KIF27: variants seen among roughly 807,000 people sequenced by gnomAD.
KIF27 encodes the protein kinesin-like protein KIF27.
A neutral mutation model predicts 141.8 loss-of-function variants in KIF27; 84 were observed. The observed-to-expected ratio is 0.59, with a 90% CI of 0.50 to 0.71. The LOEUF (loss-of-function observed/expected upper bound fraction) is 0.71, where lower values mean the gene tolerates loss of function less well. Ranked by LOEUF, KIF27 falls within the 30% of genes least tolerant of loss-of-function variation. KIF27 has a pLI of 0.00. For missense variants in KIF27, 1,306 were observed against 1,628.4 expected (o/e 0.80, Z 3.41); for synonymous variants, 471 against 569.5 (o/e 0.83, Z 2.46).
intron 16 of KIF27, among the ~76,000 whole-genome samples, chr9:83,842,664 C>G (rs1946725169): frequency 6.6e-6 from 1 of 152,090 alleles, no homozygotes; most frequent in Non-Finnish European, 1.5e-5. Context: ...GATGGGGTTT[C>G]ATCATGTTAG....
At chr9:83,918,049 T>C (rs1955868413) in intron 1 of KIF27, among the ~76,000 whole-genome samples, 1 of 152,050 alleles carries the variant, frequency 6.6e-6, no homozygotes, top group South Asian at 2.1e-4. Flanking sequence ...AGATGAAGTA[T>C]AGATTAAAAA....
intron 13 of KIF27, among the ~76,000 whole-genome samples, chr9:83,862,742 T>C (rs1035182851): frequency 1.3e-5 from 2 of 152,196 alleles, no homozygotes; most frequent in Non-Finnish European, 1.5e-5. Context: ...GGGGATGGCA[T>C]TGAATCTATA....
Position 83,859,490 on chromosome 9 carries a change from T to C in KIF27, c.2935-119A>G, listed in dbSNP as rs369477575. ...GAATATATTTTTAGTTTTTATATTA[T>C]TGTTTTCTCCCATGGATTTTTTTGA... On this transcript the variant is annotated intron_variant, in intron 13 of 17. Transcript: ENST00000297814. The C allele has an allele frequency of 5.3e-4, 374 of 702,820 alleles. 3 individuals carry two copies. In the East Asian group the frequency reaches 6.6e-3, roughly 12 times the overall value. 43.5% of individuals were successfully genotyped at this position (702,820 alleles called of 1,614,324 possible).
At chr9:83,848,460 ATATC>A (rs941666138) in intron 16 of KIF27, among the ~76,000 whole-genome samples, 21 of 142,688 alleles carry the variant, frequency 1.5e-4, no homozygotes, top group South Asian at 1.1e-3. Context: ...GTATATATCT[ATATC>A]TATATGTATA....
At chr9:83,865,013 T>G (rs1397265560) in intron 13 of KIF27, among the ~76,000 whole-genome samples, 2 of 152,154 alleles carry the variant, frequency 1.3e-5, no homozygotes, top group Non-Finnish European at 2.9e-5. Flanking sequence ...CCTTTTTTTG[T>G]TTTCCATTTG....
intron 2 of KIF27, 44 bp from the exon 3 acceptor site, chr9:83,908,696 A>T: frequency 8.0e-7 from 1 of 1,244,762 alleles, no homozygotes; most frequent in Non-Finnish European, 1.1e-6. Context: ...CTTAAAACAA[A>T]AGCAAAGCTA....
At chr9:83,880,609 T>C (rs1951598464) in intron 10 of KIF27, 115 bp from the exon 11 acceptor site, 1 of 885,760 alleles carries the variant, frequency 1.1e-6, no homozygotes, top group Non-Finnish European at 1.7e-6. Context: ...TTTTCATTTA[T>C]TTTTGACAGG....
chr9:83,880,020 T>A (rs1444204785), intron 11 of KIF27: 3 of 507,996 alleles, frequency 5.9e-6, no homozygotes, highest in Non-Finnish European at 1.0e-5. Flanking sequence ...TATAAATGTA[T>A]GTTTTTGACA....
At chr9:83,882,117 C>G (rs1951721548) in intron 10 of KIF27, among the ~76,000 whole-genome samples, 1 of 152,076 alleles carries the variant, frequency 6.6e-6, no homozygotes, top group Non-Finnish European at 1.5e-5. Context: ...AATCCCAGCA[C>G]TTTCTGAGGG....
chr9:83,840,883 G>T (rs539679537), intron 17 of KIF27, among the ~76,000 whole-genome samples: 1 of 152,224 alleles, frequency 6.6e-6, no homozygotes, highest in South Asian at 2.1e-4. Flanking sequence ...TGAACCAGCA[G>T]TCAGAAGATG....
intron 9 of KIF27, among the ~76,000 whole-genome samples, chr9:83,885,443 A>T (rs542269266): frequency 6.6e-6 from 1 of 151,518 alleles, no homozygotes; most frequent in South Asian, 2.1e-4. Flanking sequence ...AATACTCATC[A>T]TTTTTTTATA....
In KIF27 at chr9:83,903,090, G is replaced by T; in HGVS notation, c.1428C>A (p.Leu476=). ...ATTTCTTAAGCTCTCTCTTCAGCTGGAGAACTGTAACATGCTGTGGTCCTT... is the reference window on the plus strand; with the variant it reads ...ATTTCTTAAGCTCTCTCTTCAGCTGTAGAACTGTAACATGCTGTGGTCCTT... ...LEEGPQHVTV[L]QLKRELKKCQ... Residue 476 remains leucine (L), a synonymous_variant, in exon 4 of 18, where the codon CTC becomes CTA. Coordinates refer to ENST00000297814, the MANE Select transcript of KIF27 (RefSeq NM_017576.4). 6.2e-7 allele frequency: 1 copy of T among 1,613,556 alleles called. No individual in the cohort carries two copies. The highest frequency in any genetic ancestry group is 8.5e-7 in the Non-Finnish European group (1 of 1,179,586).
In KIF27 at chr9:83,908,644, C is replaced by A; in HGVS notation, c.307G>T (p.Val103Leu). Residue 103 changes from valine to leucine, a missense_variant, in exon 3 of 18, where the codon GTG becomes TTG. By Grantham distance (32) the Val-to-Leu change is conservative. Coordinates refer to ENST00000297814, the MANE Select transcript of KIF27 (RefSeq NM_017576.4). ...GGAATGATACCCTTTTGGCCCTCCA[C>A]AACTGAAGCTGAAAATTTAGAAAAA... ...TIGGGHIASV[V>L]EGQKGIIPRA... 6.3e-7 allele frequency: 1 copy of A among 1,579,286 alleles called. No homozygotes were observed. The highest frequency in any genetic ancestry group is 1.4e-5 in the African/African-American group (1 of 73,696).
chr9:83,910,545 A>G (rs1955041227), intron 2 of KIF27, among the ~76,000 whole-genome samples: 1 of 152,202 alleles, frequency 6.6e-6, no homozygotes, highest in Admixed American at 6.5e-5. Context: ...GGAGCTTGAG[A>G]GTAGAAAGGG....
At chr9:83,894,360 A>G (rs1952966830) in intron 5 of KIF27, among the ~76,000 whole-genome samples, 1 of 152,268 alleles carries the variant, frequency 6.6e-6, no homozygotes, top group African/African-American at 2.4e-5. Flanking sequence ...TCAATTGTGC[A>G]GAAGAGTTAA....
At chr9:83,908,343 T>C in intron 3 of KIF27, 109 bp downstream of exon 3, 1 of 561,212 alleles carries the variant, frequency 1.8e-6, no homozygotes, top group Non-Finnish European at 3.1e-6. Context: ...TTCATTTTGC[T>C]TCTGCATCTG....
chr9:83,916,280 G>A (rs1002854057), intron 1 of KIF27, among the ~76,000 whole-genome samples: 13 of 152,204 alleles, frequency 8.5e-5, no homozygotes, highest in African/African-American at 2.4e-4. Flanking sequence ...TGACCCGCCC[G>A]CCTCGGCCTC....
At chr9:83,848,355 A>G (rs1948054493) in intron 16 of KIF27, among the ~76,000 whole-genome samples, 1 of 129,434 alleles carries the variant, frequency 7.7e-6, no homozygotes, top group Non-Finnish European at 1.5e-5. Flanking sequence ...GTATCTATAT[A>G]TATCTACATA....
At chr9:83,848,531 T>G (rs1020706079) in intron 16 of KIF27, 2 of 145,648 alleles carry the variant, frequency 1.4e-5, no homozygotes, top group African/African-American at 5.0e-5. Flanking sequence ...TATACATATA[T>G]ATCTATGTAT....
Sources: gnomAD v4.1 joint callset for allele counts (sites outside exome capture counted in the v4.1 genomes callset) on GRCh38, gnomAD v4.1.1 for gene constraint, MANE v1.5 for transcripts, NCBI Gene and HGNC (gene_info 2026-07-23, HGNC 2026-07-21) for gene names.